Variants in AMZ2 observed in about 807,000 individuals in gnomAD.
AMZ2 encodes the protein archaelysin family metallopeptidase 2.
AMZ2 carries 26 observed loss-of-function variants against 36.7 expected under a neutral mutation model. That is an observed-to-expected ratio of 0.71 (90% CI 0.52 to 0.98). The LOEUF (loss-of-function observed/expected upper bound fraction) is 0.98, where lower values mean the gene tolerates loss of function less well. AMZ2 is among the 50% of genes least tolerant of loss of function. The pLI is 0.00. For synonymous variants in AMZ2, 144 were observed against 149.1 expected (o/e 0.97, Z 0.25); for missense variants, 394 against 430.5 (o/e 0.92, Z 0.75).
At chr17:68,247,917 G>C (rs1240199474), upstream of AMZ2, 1 of 985,476 alleles carries the variant, frequency 1.0e-6, no homozygotes, top group Admixed American at 6.1e-5. Context: ...GCCTGCCCAG[G>C]CGGCCGCACG....
rs1309801673 is a variant in AMZ2, at chr17:68,236,009, T to C, written c.-66-12631T>C. ...CATGCCTGGCTAATTTTTGTATTTT[T>C]AGTACAGATGGGGTTTTGTTACGTT... On this transcript the variant is annotated intron_variant, in intron 1 of 7. Transcript: ENST00000674770. Among the ~76,000 whole-genome samples the C allele has an allele frequency of 2.6e-5, 4 of 152,060 alleles. No individual in the cohort carries two copies. The East Asian group carries it at 7.7e-4, about 29-fold the overall frequency.
At chr17:68,221,280 T>G (rs1280039912) in intron 1 of AMZ2, among the ~76,000 whole-genome samples, 1 of 144,654 alleles carries the variant, frequency 6.9e-6, no homozygotes, top group African/African-American at 2.6e-5. Context: ...ATTTATTTAT[T>G]TAGTAGAGTC....
In AMZ2 at chr17:68,211,776, GTATATA is replaced by G. The variant is rs1195419146; in HGVS notation, c.-67+5540_-67+5545del. 1.6e-5 allele frequency among the ~76,000 whole-genome samples: 2 copies of G among 122,746 alleles called. 1 individual carries two copies. The highest frequency in any genetic ancestry group is 8.6e-5 in the African/African-American group (2 of 23,384). 80.5% of individuals were successfully genotyped at this position (122,746 alleles called of 152,430 possible). ...TATGTATATGTATATATGTGTATATGTATATATGTATATGTATATATGTGTATATGT... is the reference window on the plus strand; with the variant it reads ...TATGTATATGTATATATGTGTATATGTGTATATGTATATATGTGTATATGT... On this transcript the variant is annotated intron_variant, in intron 1 of 7. Coordinates refer to the AMZ2 transcript ENST00000674770.
At chr17:68,251,624 G>T (rs1204421771) in intron 4 of AMZ2, among the ~76,000 whole-genome samples, 3 of 152,046 alleles carry the variant, frequency 2.0e-5, no homozygotes, top group African/African-American at 7.2e-5. Context: ...CCATGATCGA[G>T]CCACTGCACT....
chr17:68,247,844 T>G (rs1277437261), upstream of AMZ2: 31 of 985,384 alleles, frequency 3.1e-5, no homozygotes, highest in Non-Finnish European at 3.7e-5. Flanking sequence ...CTGGGGCTTG[T>G]AGTCCCCTCG....
upstream of AMZ2, among the ~76,000 whole-genome samples, chr17:68,245,439 G>A (rs1555735061): frequency 6.6e-6 from 1 of 151,018 alleles, no homozygotes; most frequent in African/African-American, 2.4e-5. Flanking sequence ...TAGAGATGGG[G>A]TCTCCCTATG....
At chr17:68,206,280 C>T in intron 1 of AMZ2, 1 of 1,288,538 alleles carries the variant, frequency 7.8e-7, no homozygotes, top group Non-Finnish European at 9.9e-7. Flanking sequence ...TTCCCCACCT[C>T]CTCTGCCCTC....
intron 1 of AMZ2, among the ~76,000 whole-genome samples, chr17:68,220,617 T>C (rs1555728233): frequency 6.6e-6 from 1 of 152,062 alleles, no homozygotes; most frequent in African/African-American, 2.4e-5. Flanking sequence ...CTTATGGAGT[T>C]GAATTTAAGA....
chr17:68,214,038 T>G (rs565985585), intron 1 of AMZ2, among the ~76,000 whole-genome samples: 5 of 88,270 alleles, frequency 5.7e-5, no homozygotes, highest in South Asian at 8.1e-4. Context: ...AATGACAGGT[T>G]TTTTTTTTTC....
intron 5 of AMZ2, 48 bp downstream of exon 5, chr17:68,254,615 T>C: frequency 6.7e-7 from 1 of 1,484,150 alleles, no homozygotes; most frequent in South Asian, 1.2e-5. Flanking sequence ...AAAGAGATCT[T>C]AGTTCCGTAA....
chr17:68,247,976 G>T, upstream of AMZ2: 1 of 984,864 alleles, frequency 1.0e-6, no homozygotes, highest in Non-Finnish European at 1.2e-6. Context: ...GGCCCACAGG[G>T]CGTGCGCGAC....
At chr17:68,217,019 C>T (rs1189022836) in intron 1 of AMZ2, among the ~76,000 whole-genome samples, 2 of 138,176 alleles carry the variant, frequency 1.4e-5, no homozygotes, top group East Asian at 2.1e-4. Context: ...GGCGACAGAG[C>T]GAGACTCCGT....
At chr17:68,242,532 C>G (rs549217227) in intron 1 of AMZ2, among the ~76,000 whole-genome samples, 1 of 152,214 alleles carries the variant, frequency 6.6e-6, no homozygotes, top group East Asian at 1.9e-4. Context: ...ATGCCTCAGC[C>G]TCCCGAGTAG....
intron 1 of AMZ2, among the ~76,000 whole-genome samples, chr17:68,213,690 ACTT>A (rs2073124016): frequency 6.6e-6 from 1 of 152,090 alleles, no homozygotes; most frequent in South Asian, 2.1e-4. Context: ...GATTCTGAGA[ACTT>A]CTCCTGACAA....
At chr17:68,219,150 A>G (rs1194398208) in intron 1 of AMZ2, among the ~76,000 whole-genome samples, 1 of 152,146 alleles carries the variant, frequency 6.6e-6, no homozygotes, top group African/African-American at 2.4e-5. Flanking sequence ...TATTTTTAGT[A>G]GAGACAGGGT....
At chr17:68,252,333 C>T (rs1429309890) in intron 4 of AMZ2, among the ~76,000 whole-genome samples, 2 of 152,120 alleles carry the variant, frequency 1.3e-5, no homozygotes, top group East Asian at 1.9e-4. Flanking sequence ...CTTTATTCTC[C>T]ATTTATGTGA....
At position 68,223,548 on chromosome 17, in the gene AMZ2, T is replaced by C. The variant is rs187139739; in HGVS notation, c.-67+17310T>C. 2.2e-4 allele frequency among the ~76,000 whole-genome samples: 33 copies of C among 152,248 alleles called. 1 individual carries two copies. Among genetic ancestry groups the C allele is most frequent in the Admixed American group, 6.5e-4 (10 of 15,284 alleles). On this transcript the variant is annotated intron_variant, in intron 1 of 7. Transcript: ENST00000674770. ...AACTAATGGATTTTCTTTTCTTTTT[T>C]TCTTTTTTGAGATGGAGTTTCTCTC...
intron 1 of AMZ2, among the ~76,000 whole-genome samples, chr17:68,223,346 C>T (rs1360178284): frequency 6.6e-6 from 1 of 152,032 alleles, no homozygotes; most frequent in African/African-American, 2.4e-5. Context: ...TCATCTCAGC[C>T]AGAAGCCCCT....
intron 1 of AMZ2, among the ~76,000 whole-genome samples, chr17:68,209,632 A>ATATATATATATATGTATATATATAT: frequency 1.1e-5 from 1 of 90,690 alleles, no homozygotes; most frequent in Non-Finnish European, 2.0e-5. Context: ...ATATATATAT[A>ATATATATATATATGTATATATATAT]TTTTTTTTTT....
Sources: gnomAD v4.1 joint callset for allele counts (sites outside exome capture counted in the v4.1 genomes callset) on GRCh38, gnomAD v4.1.1 for gene constraint, MANE v1.5 for transcripts, NCBI Gene and HGNC (gene_info 2026-07-23, HGNC 2026-07-21) for gene names.